GAB2: variants seen among roughly 807,000 people sequenced by gnomAD.
GAB2 encodes the protein GRB2 associated binding protein 2.
GAB2 carries 26 observed loss-of-function variants against 65.5 expected under a neutral mutation model. The ratio of observed to expected loss-of-function variants is 0.40; its 90% CI spans 0.29 to 0.55. The LOEUF (loss-of-function observed/expected upper bound fraction) is 0.55, where lower values mean the gene tolerates loss of function less well. GAB2 is among the 20% of genes least tolerant of loss of function. The probability of loss-of-function intolerance (pLI) is 0.53; values close to 1 mark genes in which losing one functional copy is unlikely to be tolerated. For synonymous variants in GAB2, 321 were observed against 329.6 expected, an observed-to-expected ratio of 0.97 and a Z score of 0.28; for missense variants, 884 against 875.8, an observed-to-expected ratio of 1.01 and a Z score of -0.12.
intron 1 of GAB2, among the ~76,000 whole-genome samples, chr11:78,288,576 T>C (rs1414699134): frequency 3.3e-5 from 5 of 152,110 alleles, no homozygotes; most frequent in Non-Finnish European, 4.4e-5. Flanking sequence ...AAAAATACAA[T>C]GCCATTTATA....
chr11:78,283,322 T>C lies in GAB2; in HGVS notation c.76-2421A>G, dbSNP rs111280265. ...CCCAATGAAGGCCAACCTTTTTCCA[T>C]TTGTGCACAAAGACATCACTTCAAC... On this transcript the variant is annotated intron_variant, in intron 1 of 9. Coordinates refer to ENST00000361507, the MANE Select transcript of GAB2 (RefSeq NM_080491.3). Among the ~76,000 whole-genome samples, 1,365 of 152,320 alleles carry C rather than the reference T, an allele frequency of 9.0e-3. 12 individuals are homozygous for C. Among genetic ancestry groups the C allele is most frequent in the South Asian group, 0.022 (105 of 4,832 alleles).
intron 1 of GAB2, among the ~76,000 whole-genome samples, chr11:78,392,991 G>A (rs117937763): frequency 6.6e-6 from 1 of 152,188 alleles, no homozygotes; most frequent in Non-Finnish European, 1.5e-5. Context: ...CTATCCTTGA[G>A]AAGTCCCCAT....
chr11:78,308,096 G>A (rs746809142), intron 1 of GAB2, among the ~76,000 whole-genome samples: 2 of 152,122 alleles, frequency 1.3e-5, no homozygotes, highest in Non-Finnish European at 2.9e-5. Flanking sequence ...TCGGACATCG[G>A]AACTCCAGAT....
intron 2 of GAB2, among the ~76,000 whole-genome samples, chr11:78,265,312 C>G (rs1397564110): frequency 6.6e-6 from 1 of 151,902 alleles, no homozygotes; most frequent in East Asian, 1.9e-4. Flanking sequence ...CAGGAAACTT[C>G]GATTTTAATT....
intron 2 of GAB2, among the ~76,000 whole-genome samples, chr11:78,259,866 C>T (rs1161684103): frequency 6.6e-6 from 1 of 152,176 alleles, no homozygotes; most frequent in Non-Finnish European, 1.5e-5. Context: ...AGCCCTTACC[C>T]TGCACTAAAA....
intron 1 of GAB2, among the ~76,000 whole-genome samples, chr11:78,335,418 T>C (rs140399320): frequency 2.0e-5 from 3 of 152,348 alleles, no homozygotes; most frequent in Admixed American, 1.3e-4. Context: ...GATTTTTGTA[T>C]ATGGTGAAAG....
intron 2 of GAB2, among the ~76,000 whole-genome samples, chr11:78,267,076 A>G (rs1301136852): frequency 6.6e-6 from 1 of 152,060 alleles, no homozygotes; most frequent in Non-Finnish European, 1.5e-5. Context: ...GTGTGGTAAG[A>G]CTCTGGTCTA....
chr11:78,285,291 A>G (rs1381985412), intron 1 of GAB2, among the ~76,000 whole-genome samples: 1 of 152,222 alleles, frequency 6.6e-6, no homozygotes, highest in Non-Finnish European at 1.5e-5. Context: ...CATGAACAAG[A>G]AAACCATGTT....
chr11:78,387,739 T>C (rs1228767183), intron 1 of GAB2, among the ~76,000 whole-genome samples: 1 of 152,190 alleles, frequency 6.6e-6, no homozygotes, highest in Non-Finnish European at 1.5e-5. Context: ...TCAAAGAGAT[T>C]AGATGACTTA....
intron 1 of GAB2, among the ~76,000 whole-genome samples, chr11:78,281,348 C>T (rs545108590): frequency 6.6e-6 from 1 of 152,042 alleles, no homozygotes; most frequent in East Asian, 1.9e-4. Context: ...AGGGTTCAAG[C>T]GATTCTCCTG....
chr11:78,395,150 G>A (rs1305158722), intron 1 of GAB2, among the ~76,000 whole-genome samples: 1 of 152,194 alleles, frequency 6.6e-6, no homozygotes, highest in Non-Finnish European at 1.5e-5. Flanking sequence ...GAATGGGGAA[G>A]AGGAGTAAAA....
At chr11:78,392,073 CT>C (rs370178204) in intron 1 of GAB2, 1 of 152,124 alleles carries the variant, frequency 6.6e-6, no homozygotes, top group East Asian at 1.9e-4. Flanking sequence ...CCTGTCTCTA[CT>C]AAAAATACAA....
At chr11:78,351,110 A>G in intron 1 of GAB2, among the ~76,000 whole-genome samples, 1 of 152,180 alleles carries the variant, frequency 6.6e-6, no homozygotes, top group East Asian at 1.9e-4. Context: ...AACCATGCAG[A>G]GAACAAGGGA....
chr11:78,399,937 T>C (rs1856948184), intron 1 of GAB2, among the ~76,000 whole-genome samples: 1 of 152,226 alleles, frequency 6.6e-6, no homozygotes, highest in East Asian at 1.9e-4. Context: ...CCTAAGGCCT[T>C]TGAAATACTG....
At chr11:78,289,159 G>C (rs1223703942) in intron 1 of GAB2, among the ~76,000 whole-genome samples, 6 of 152,212 alleles carry the variant, frequency 3.9e-5, no homozygotes, top group African/African-American at 1.4e-4. Context: ...CAGCACTTTG[G>C]GGGGCCAAGG....
At chr11:78,237,677 TAACTG>T (rs1865017475) in intron 3 of GAB2, among the ~76,000 whole-genome samples, 1 of 152,106 alleles carries the variant, frequency 6.6e-6, no homozygotes, top group African/African-American at 2.4e-5. Flanking sequence ...AAAATCATCT[TAACTG>T]AGCAGAGAGA....
At chr11:78,382,719 C>CCTATT (rs1357617305) in intron 1 of GAB2, among the ~76,000 whole-genome samples, 22 of 152,150 alleles carry the variant, frequency 1.4e-4, no homozygotes, top group African/African-American at 5.3e-4. Flanking sequence ...CACAATAAAT[C>CCTATT]CTATTTTTCT....
chr11:78,352,238 C>A (rs1286275015), intron 1 of GAB2, among the ~76,000 whole-genome samples: 1 of 152,140 alleles, frequency 6.6e-6, no homozygotes, highest in Non-Finnish European at 1.5e-5. Flanking sequence ...AAACACACAA[C>A]CACACAAAAC....
intron 4 of GAB2, 79 bp downstream of exon 4, chr11:78,226,386 G>T: frequency 8.7e-7 from 1 of 1,152,640 alleles, no homozygotes; most frequent in South Asian, 1.2e-5. Flanking sequence ...GGCCATGGAT[G>T]ACCAAGGACC....
Sources: gnomAD v4.1 joint callset for allele counts (sites outside exome capture counted in the v4.1 genomes callset) on GRCh38, gnomAD v4.1.1 for gene constraint, MANE v1.5 for transcripts, NCBI Gene and HGNC (gene_info 2026-07-23, HGNC 2026-07-21) for gene names.